Variants in MAP2K1 observed in about 807,000 individuals in gnomAD.
MAP2K1 encodes mitogen-activated protein kinase kinase 1, also known as dual specificity mitogen-activated protein kinase kinase 1.
Under a neutral mutation model 46.3 loss-of-function variants are expected in MAP2K1, and 16 were observed. The observed-to-expected ratio is 0.35, with a 90% CI of 0.23 to 0.52. The LOEUF (loss-of-function observed/expected upper bound fraction) is 0.52. Among genes scored for constraint, MAP2K1 ranks in the 20% least tolerant of loss-of-function variants. The pLI is 0.94. For missense variants in MAP2K1, 263 were observed against 497.1 expected, an observed-to-expected ratio of 0.53 and a Z score of 4.48; for synonymous variants, 183 against 185.6, an observed-to-expected ratio of 0.99 and a Z score of 0.11.
chr15:66,437,662 C>T (rs1240650352), intron 3 of MAP2K1, among the ~76,000 whole-genome samples: 1 of 152,180 alleles, frequency 6.6e-6, no homozygotes, highest in Non-Finnish European at 1.5e-5. Context: ...TCCTGGTGTG[C>T]AGCCTTAATG....
chr15:66,434,107 C>T (rs567429618), intron 1 of MAP2K1, among the ~76,000 whole-genome samples: 1 of 152,298 alleles, frequency 6.6e-6, no homozygotes, highest in East Asian at 1.9e-4. Flanking sequence ...ATCAGATAAA[C>T]TGATGAAATG....
At chr15:66,398,083 CAG>C (rs1473412263) in intron 1 of MAP2K1, among the ~76,000 whole-genome samples, 1 of 149,554 alleles carries the variant, frequency 6.7e-6, no homozygotes, top group Non-Finnish European at 1.5e-5. Context: ...GCCTGGGTGA[CAG>C]AGTGAGATTC....
chr15:66,400,529 G>C (rs2093378922), intron 1 of MAP2K1, among the ~76,000 whole-genome samples: 1 of 152,190 alleles, frequency 6.6e-6, no homozygotes, highest in Non-Finnish European at 1.5e-5. Context: ...CTTTGTTTCT[G>C]TTGTTCACTT....
chr15:66,478,302 GTA>G (rs1308496551), intron 5 of MAP2K1, among the ~76,000 whole-genome samples: 10 of 141,802 alleles, frequency 7.1e-5, no homozygotes, highest in Non-Finnish European at 1.5e-4. Context: ...ATATATACCT[GTA>G]TATATATAGT....
At position 66,420,759 on chromosome 15, in the gene MAP2K1, G is replaced by GTGTA. The variant is rs1252003697; in HGVS notation, c.81-14267_81-14266insGTAT. Among the ~76,000 whole-genome samples the GTGTA allele has an allele frequency of 1.0e-3, 41 of 40,088 alleles. 3 individuals carry two copies. The highest frequency in any genetic ancestry group is 3.8e-3 in the African/African-American group (40 of 10,410). 26.3% of individuals were successfully genotyped at this position (40,088 alleles called of 152,430 possible). A position where few individuals can be genotyped will look rare whatever the true frequency, so the allele number is the denominator to read the frequency against. On this transcript the variant is annotated intron_variant, in intron 1 of 10. Coordinates refer to ENST00000307102, the MANE Select transcript of MAP2K1 (RefSeq NM_002755.4). ...TGTGTGTGTGTGTGTGTGTGTGTGT[G>GTGTA]TATGTGTGTATATATATGTGTATAT...
chr15:66,453,517 A>G, intron 5 of MAP2K1: 1 of 702,366 alleles, frequency 1.4e-6, no homozygotes, highest in Non-Finnish European at 2.6e-6. Context: ...GTACCTGTGC[A>G]CCAGCAATTC....
At chr15:66,477,918 G>A (rs984278157) in intron 5 of MAP2K1, among the ~76,000 whole-genome samples, 1 of 152,084 alleles carries the variant, frequency 6.6e-6, no homozygotes, top group Non-Finnish European at 1.5e-5. Context: ...ACCTCCAGGG[G>A]CCAGGTACCC....
intron 1 of MAP2K1, among the ~76,000 whole-genome samples, chr15:66,416,271 C>CTTG (rs145715908): frequency 0.056 from 8,563 of 152,180 alleles, 347 homozygotes; most frequent in Middle Eastern, 0.11. Context: ...TGTTGTTACA[C>CTTG]TTGTATAGTT....
At chr15:66,401,022 T>C (rs36120322) in intron 1 of MAP2K1, among the ~76,000 whole-genome samples, 8,578 of 152,324 alleles carry the variant, frequency 0.056, 349 homozygotes, top group Middle Eastern at 0.11. Flanking sequence ...CCATTGTATA[T>C]GTTTTTGGAT....
chr15:66,398,897 G>A (rs551650909), intron 1 of MAP2K1, among the ~76,000 whole-genome samples: 1 of 151,474 alleles, frequency 6.6e-6, no homozygotes, highest in Non-Finnish European at 1.5e-5. Flanking sequence ...GCTCAGCCTC[G>A]AAGTGGCTGG....
chr15:66,428,919 A>C (rs1331549240), intron 1 of MAP2K1, among the ~76,000 whole-genome samples: 4 of 151,468 alleles, frequency 2.6e-5, no homozygotes, highest in Non-Finnish European at 5.9e-5. Flanking sequence ...AGCTGTGATT[A>C]CAAGCACACG....
intron 5 of MAP2K1, among the ~76,000 whole-genome samples, chr15:66,473,162 G>A (rs191351936): frequency 2.6e-5 from 4 of 152,264 alleles, no homozygotes; most frequent in African/African-American, 9.6e-5. Context: ...ATCTGGTGGG[G>A]GAAATATGCT....
intron 1 of MAP2K1, among the ~76,000 whole-genome samples, chr15:66,417,813 T>A (rs1282883766): frequency 1.3e-5 from 2 of 152,104 alleles, no homozygotes; most frequent in African/African-American, 4.8e-5. Flanking sequence ...GTCTGGAGAA[T>A]TGACAATTTC....
chr15:66,420,976 CATACACACACAT>C (rs1324243681), intron 1 of MAP2K1, among the ~76,000 whole-genome samples: 3 of 108,770 alleles, frequency 2.8e-5, no homozygotes, highest in Non-Finnish European at 4.3e-5. Flanking sequence ...CACACACATA[CATACACACACAT>C]ACATACATAT....
intron 1 of MAP2K1, among the ~76,000 whole-genome samples, chr15:66,408,670 G>T (rs912578836): frequency 6.6e-6 from 1 of 152,044 alleles, no homozygotes; most frequent in Non-Finnish European, 1.5e-5. Context: ...ATCCCTGTGG[G>T]GATCAGCGCA....
In MAP2K1 at chr15:66,436,731, T is replaced by C. The variant is rs1567009689; in HGVS notation, c.292-15T>C. 1.2e-6 allele frequency: 2 copies of C among 1,613,824 alleles called. No homozygotes were observed. Among genetic ancestry groups the C allele is most frequent in the Non-Finnish European group, 1.7e-6 (2 of 1,179,760 alleles). On this transcript the variant is annotated splice_polypyrimidine_tract_variant and intron_variant, in intron 2 of 10. Transcript: ENST00000307102. ...TTTCTTTCATAAAACCTCTCTTTCT[T>C]CCACCTTTCTCCAGCTAATTCATCT...
chr15:66,425,513 T>C (rs1436502690), intron 1 of MAP2K1, among the ~76,000 whole-genome samples: 2 of 152,184 alleles, frequency 1.3e-5, no homozygotes, highest in Non-Finnish European at 2.9e-5. Context: ...TGAAAGAAGC[T>C]TCCAGACCCA....
At chr15:66,400,149 T>G (rs1566995930) in intron 1 of MAP2K1, among the ~76,000 whole-genome samples, 1 of 152,102 alleles carries the variant, frequency 6.6e-6, no homozygotes, top group East Asian at 1.9e-4. Context: ...AAAATACATT[T>G]AAACAAACAA....
chr15:66,478,477 G>C (rs1405292854), intron 5 of MAP2K1, among the ~76,000 whole-genome samples: 2 of 131,700 alleles, frequency 1.5e-5, no homozygotes, highest in African/African-American at 5.4e-5. Context: ...TATATATACA[G>C]GTGTATATAT....
Sources: gnomAD v4.1 joint callset for allele counts (sites outside exome capture counted in the v4.1 genomes callset) on GRCh38, gnomAD v4.1.1 for gene constraint, MANE v1.5 for transcripts, NCBI Gene and HGNC (gene_info 2026-07-23, HGNC 2026-07-21) for gene names.